The following TRIM2 variants were observed in gnomAD, a reference collection of about 807,000 sequenced individuals.
The protein encoded by TRIM2 is tripartite motif-containing protein 2.
TRIM2 carries 20 observed loss-of-function variants against 75.2 expected under a neutral mutation model. That is an observed-to-expected ratio of 0.27 (90% CI 0.19 to 0.39). The LOEUF is 0.39. TRIM2 is among the 10% of genes least tolerant of loss of function. The pLI, the probability that TRIM2 is intolerant of heterozygous loss-of-function variation, is 1.00. For synonymous variants in TRIM2, 373 were observed against 388.3 expected, an observed-to-expected ratio of 0.96 and a Z score of 0.46; for missense variants, 660 against 990.8, an observed-to-expected ratio of 0.67 and a Z score of 4.48.
intron 1 of TRIM2, among the ~76,000 whole-genome samples, chr4:153,196,607 G>A (rs1026352525): frequency 1.3e-5 from 2 of 152,146 alleles, no homozygotes; most frequent in South Asian, 2.1e-4. Flanking sequence ...TGTCATTACC[G>A]TTATTACTAG....
At chr4:153,224,940 G>A (rs1459877614) in intron 1 of TRIM2, among the ~76,000 whole-genome samples, 1 of 152,104 alleles carries the variant, frequency 6.6e-6, no homozygotes, top group Non-Finnish European at 1.5e-5. Context: ...TTCAATTTCT[G>A]ACCATTGACT....
At chr4:153,269,737 C>T (rs10005231) in intron 1 of TRIM2, among the ~76,000 whole-genome samples, 42,436 of 151,922 alleles carry the variant, frequency 0.28, 8,120 homozygotes, top group African/African-American at 0.55. Flanking sequence ...TGAAGCCCAG[C>T]GAGCATACCT....
chr4:153,296,099 G>A (rs1276245913), intron 6 of TRIM2, 63 bp downstream of exon 6: 2 of 1,491,946 alleles, frequency 1.3e-6, no homozygotes, highest in African/African-American at 1.4e-5. Flanking sequence ...AACTGGGCAC[G>A]TGTCATTGCA....
intron 1 of TRIM2, among the ~76,000 whole-genome samples, chr4:153,188,051 T>G (rs976037153): frequency 6.6e-6 from 1 of 152,190 alleles, no homozygotes; most frequent in African/African-American, 2.4e-5. Context: ...CAGCCAAGCT[T>G]TCCCATATCT....
intron 1 of TRIM2, among the ~76,000 whole-genome samples, chr4:153,252,194 C>T (rs1193531046): frequency 6.6e-6 from 1 of 152,124 alleles, no homozygotes; most frequent in Non-Finnish European, 1.5e-5. Flanking sequence ...TTTATAAGCT[C>T]CTGATTTGTT....
chr4:153,279,319 C>A (rs1241514036), intron 3 of TRIM2, among the ~76,000 whole-genome samples: 2 of 152,172 alleles, frequency 1.3e-5, no homozygotes, highest in Non-Finnish European at 2.9e-5. Context: ...TAAAATTAAT[C>A]TTATACTAGG....
chr4:153,176,863 G>A (rs765385728), intron 1 of TRIM2, among the ~76,000 whole-genome samples: 2 of 152,136 alleles, frequency 1.3e-5, no homozygotes, highest in African/African-American at 2.4e-5. Flanking sequence ...CACCCGCCTC[G>A]GCTTCCCTAA....
intron 3 of TRIM2, among the ~76,000 whole-genome samples, chr4:153,282,622 T>G (rs530634655): frequency 6.6e-6 from 1 of 152,316 alleles, no homozygotes; most frequent in East Asian, 1.9e-4. Flanking sequence ...TTGTTTGTTT[T>G]TTTGTTTTGA....
intron 1 of TRIM2, among the ~76,000 whole-genome samples, chr4:153,198,268 T>A (rs1733974432): frequency 6.6e-6 from 1 of 152,184 alleles, no homozygotes. Flanking sequence ...TTGAATTGTA[T>A]CTCCCAGAAT....
At chr4:153,207,364 A>T (rs1735770581) in intron 1 of TRIM2, among the ~76,000 whole-genome samples, 2 of 152,184 alleles carry the variant, frequency 1.3e-5, no homozygotes, top group Non-Finnish European at 2.9e-5. Flanking sequence ...TAAGAGCAAG[A>T]GCTTTGATTC....
intron 1 of TRIM2, among the ~76,000 whole-genome samples, chr4:153,172,505 C>T (rs1730992448): frequency 6.6e-6 from 1 of 152,068 alleles, no homozygotes; most frequent in Admixed American, 6.6e-5. Context: ...TGATTTTTAA[C>T]TGACTCTGGA....
At chr4:153,159,681 A>C (rs543863043) in intron 1 of TRIM2, among the ~76,000 whole-genome samples, 4 of 152,176 alleles carry the variant, frequency 2.6e-5, no homozygotes, top group African/African-American at 9.6e-5. Context: ...AAACTTTAAT[A>C]CTTGAAAAGA....
chr4:153,288,227 AG>A lies in TRIM2; in HGVS notation c.454-4753del, dbSNP rs1228472994. Among the ~76,000 whole-genome samples the A allele has an allele frequency of 2.0e-4, 30 of 152,222 alleles. 1 individual carries two copies. In the South Asian group the frequency reaches 5.2e-3, roughly 26 times the overall value. ...TGAGGCAGGCGGATCACCTGAGGTC[AG>A]GAGTTTGAGACCAGCCTGGCCAACA... is the stretch of plus-strand genomic sequence containing the variant. On this transcript the variant is annotated intron_variant, in intron 3 of 11. Coordinates refer to ENST00000338700, the MANE Select transcript of TRIM2 (RefSeq NM_015271.5).
upstream of TRIM2, among the ~76,000 whole-genome samples, chr4:153,203,866 T>C (rs1432580072): frequency 5.9e-5 from 9 of 152,070 alleles, no homozygotes; most frequent in Non-Finnish European, 1.3e-4. Flanking sequence ...CACTCCGGCC[T>C]GGGCAACAGA....
At chr4:153,240,970 C>G (rs138052903) in intron 1 of TRIM2, among the ~76,000 whole-genome samples, 4 of 152,074 alleles carry the variant, frequency 2.6e-5, no homozygotes, top group Admixed American at 2.6e-4. Flanking sequence ...CCAGCTACTC[C>G]GGAGGCTGAG....
chr4:153,272,734 G>C (rs1014115507), intron 2 of TRIM2, among the ~76,000 whole-genome samples: 6 of 152,212 alleles, frequency 3.9e-5, no homozygotes, highest in African/African-American at 1.4e-4. Context: ...GCCTCCCAAA[G>C]TGTTGGGCTT....
chr4:153,330,567 TAAAG>T (rs1771235502), intron 11 of TRIM2, among the ~76,000 whole-genome samples: 2 of 151,956 alleles, frequency 1.3e-5, no homozygotes, highest in South Asian at 2.1e-4. Context: ...AAAATAAAAA[TAAAG>T]AAAATCAGTC....
At chr4:153,261,890 G>T (rs983042345) in intron 1 of TRIM2, among the ~76,000 whole-genome samples, 1 of 152,128 alleles carries the variant, frequency 6.6e-6, no homozygotes. Context: ...TGCATTTGGG[G>T]GTTAATTGCC....
intron 1 of TRIM2, among the ~76,000 whole-genome samples, chr4:153,232,975 G>A (rs553883059): frequency 3.3e-5 from 5 of 152,268 alleles, no homozygotes; most frequent in Non-Finnish European, 2.9e-5. Context: ...CTGGGCCACT[G>A]GAAACCTAAG....
Sources: gnomAD v4.1 joint callset for allele counts (sites outside exome capture counted in the v4.1 genomes callset) on GRCh38, gnomAD v4.1.1 for gene constraint, MANE v1.5 for transcripts, NCBI Gene and HGNC (gene_info 2026-07-23, HGNC 2026-07-21) for gene names.